Variants in TENM2 observed in about 807,000 individuals in gnomAD.
TENM2 encodes teneurin transmembrane protein 2, also known as teneurin-2.
TENM2 carries 52 observed loss-of-function variants against 245.2 expected under a neutral mutation model. The observed-to-expected ratio is 0.21, with a 90% confidence interval of 0.17 to 0.27. TENM2 has a LOEUF of 0.27. Ranked by LOEUF, TENM2 falls within the 10% of genes least tolerant of loss-of-function variation. TENM2 has a pLI of 1.00. For synonymous variants in TENM2, 1,363 were observed against 1,438.9 expected (o/e 0.95, Z 1.19); for missense variants, 3,046 against 3,666.8 (o/e 0.83, Z 4.37).
intron 2 of TENM2, among the ~76,000 whole-genome samples, chr5:167,565,703 C>T (rs11747772): frequency 0.5 from 76,027 of 151,956 alleles, 21,479 homozygotes; most frequent in Middle Eastern, 0.66. Context: ...TTGAGGTAGA[C>T]AGCGGTGAAG....
At chr5:167,242,039 G>GTTTTTTTTTTTTTTTT in the TENM2 span, among the ~76,000 whole-genome samples, 1 of 140,190 alleles carries the variant, frequency 7.1e-6, no homozygotes, top group Non-Finnish European at 1.6e-5. Context: ...TTCTTTTTTT[G>GTTTTTTTTTTTTTTTT]TTTTTTGTTT....
chr5:167,977,270 C>T (rs1432796260), intron 4 of TENM2, among the ~76,000 whole-genome samples: 1 of 152,036 alleles, frequency 6.6e-6, no homozygotes, highest in African/African-American at 2.4e-5. Context: ...CACCAAACCC[C>T]CATGACACGA....
intron 4 of TENM2, 49 bp downstream of exon 6, chr5:167,952,871 C>T (rs775829448): frequency 6.8e-7 from 1 of 1,475,106 alleles, no homozygotes; most frequent in South Asian, 1.2e-5. Flanking sequence ...CACCTTACCC[C>T]TGAGTCACCA....
chr5:167,608,903 G>A (rs1213322252), intron 2 of TENM2, among the ~76,000 whole-genome samples: 1 of 152,120 alleles, frequency 6.6e-6, no homozygotes, highest in Non-Finnish European at 1.5e-5. Flanking sequence ...GCTTTTTAGT[G>A]ACTGCTGTCA....
At chr5:167,571,844 A>G (rs1314057670) in intron 2 of TENM2, among the ~76,000 whole-genome samples, 1 of 152,110 alleles carries the variant, frequency 6.6e-6, no homozygotes, top group African/African-American at 2.4e-5. Flanking sequence ...CCCTTGTATA[A>G]AGTAAATTTT....
intron 2 of TENM2, among the ~76,000 whole-genome samples, chr5:167,794,500 T>C (rs1268665289): frequency 6.6e-6 from 1 of 152,218 alleles, no homozygotes; most frequent in Non-Finnish European, 1.5e-5. Context: ...AATGATTCAG[T>C]AGGTGTTTGC....
chr5:167,399,542 T>A (rs2127382960), intron 2 of TENM2, among the ~76,000 whole-genome samples: 1 of 152,252 alleles, frequency 6.6e-6, no homozygotes, highest in South Asian at 2.1e-4. Flanking sequence ...CAGAAGAAAG[T>A]CCTAAATGGT....
At chr5:167,825,644 C>T (rs575331767) in intron 2 of TENM2, among the ~76,000 whole-genome samples, 31 of 152,134 alleles carry the variant, frequency 2.0e-4, no homozygotes, top group Non-Finnish European at 4.0e-4. Flanking sequence ...TGCGATCCCA[C>T]GGGCTCTGCA....
the TENM2 span, among the ~76,000 whole-genome samples, chr5:167,266,353 A>G: frequency 6.6e-6 from 1 of 152,196 alleles, no homozygotes; most frequent in African/African-American, 2.4e-5. Flanking sequence ...TTATTCATCT[A>G]TTTTTGAAGT....
At chr5:167,056,808 C>T in the TENM2 span, among the ~76,000 whole-genome samples, 4 of 150,574 alleles carry the variant, frequency 2.7e-5, no homozygotes, top group South Asian at 8.3e-4. Flanking sequence ...TCCTCCTCTC[C>T]CTCCTATTTT....
chr5:168,131,146 G>C (rs1754544524), intron 12 of TENM2, among the ~76,000 whole-genome samples: 1 of 152,164 alleles, frequency 6.6e-6, no homozygotes, highest in Non-Finnish European at 1.5e-5. Flanking sequence ...GCTAACTGTG[G>C]ACTCTTGCAA....
At chr5:167,992,263 T>C (rs1016376473) in intron 4 of TENM2, among the ~76,000 whole-genome samples, 1 of 151,374 alleles carries the variant, frequency 6.6e-6, no homozygotes, top group African/African-American at 2.4e-5. Flanking sequence ...CCCAAAACTA[T>C]TGAAATTAAA....
chr5:167,919,734 T>G (rs1275711430), intron 3 of TENM2, among the ~76,000 whole-genome samples: 3 of 152,158 alleles, frequency 2.0e-5, no homozygotes, highest in Admixed American at 6.5e-5. Context: ...GCATATAGAA[T>G]AGCAAGTGGT....
At chr5:168,079,275 G>A (rs1268989510) in intron 7 of TENM2, among the ~76,000 whole-genome samples, 1 of 152,230 alleles carries the variant, frequency 6.6e-6, no homozygotes, top group African/African-American at 2.4e-5. Context: ...TTTGCACATT[G>A]ATTTTGTATC....
rs59491444 is a variant in TENM2 at position 167,426,546 on chromosome 5, CAAAAAA to C, written c.502+51088_502+51093del. 4.1e-3 allele frequency among the ~76,000 whole-genome samples: 420 copies of C among 102,254 alleles called. 3 individuals carry two copies. Among genetic ancestry groups the C allele is most frequent in the African/African-American group, 0.013 (384 of 29,214 alleles). 67.1% of individuals were successfully genotyped at this position (102,254 alleles called of 152,430 possible). A position where few individuals can be genotyped will look rare whatever the true frequency, so the allele number is the denominator to read the frequency against. On this transcript the variant is annotated intron_variant, in intron 2 of 28. Coordinates refer to ENST00000518659, the Ensembl canonical transcript of TENM2. ...GCAACATAGTGACACCTTGCCTTTA[CAAAAAA>C]AAAAAAAAAAAAAATTCTAGATTTA...
chr5:167,911,350 C>A (rs571651950), intron 3 of TENM2, among the ~76,000 whole-genome samples: 1 of 152,070 alleles, frequency 6.6e-6, no homozygotes, highest in East Asian at 1.9e-4. Context: ...CACGGTGAAA[C>A]CCCGTCTCTA....
At chr5:168,238,221 GAAGAAAAGAAAAGAAAAGAAAAGAA>G (rs1182778870) in intron 25 of TENM2, among the ~76,000 whole-genome samples, 32 of 24,380 alleles carry the variant, frequency 1.3e-3, no homozygotes, top group African/African-American at 1.6e-3. Flanking sequence ...GAGGGAGAGA[GAAGAAAAGAAAAGAAAAGAAAAGAA>G]AAGAAAAGAA....
At chr5:167,835,697 A>G (rs1768922957) in intron 2 of TENM2, among the ~76,000 whole-genome samples, 1 of 152,186 alleles carries the variant, frequency 6.6e-6, no homozygotes, top group Non-Finnish European at 1.5e-5. Context: ...GGGGTAATGG[A>G]AGCTGCATAT....
chr5:167,849,772 C>A (rs1482393645), intron 2 of TENM2, among the ~76,000 whole-genome samples: 2 of 152,104 alleles, frequency 1.3e-5, no homozygotes, highest in African/African-American at 2.4e-5. Flanking sequence ...TACATTTATC[C>A]ATTTATTATA....
Sources: allele counts gnomAD v4.1 joint callset (sites outside exome capture counted in the v4.1 genomes callset), GRCh38; gene constraint gnomAD v4.1.1; transcripts MANE v1.5; gene names NCBI Gene and HGNC (gene_info 2026-07-23, HGNC 2026-07-21).